MAGEB18: variants seen among roughly 807,000 people sequenced by gnomAD.
MAGEB18 encodes MAGE family member B18.
A neutral mutation model predicts 6.3 loss-of-function variants in MAGEB18; 6 were observed. That is an observed-to-expected ratio of 0.95 (90% CI 0.52 to 1.87). The LOEUF (loss-of-function observed/expected upper bound fraction) is 1.87. Among genes scored for constraint, MAGEB18 ranks in the 40% most tolerant of loss-of-function variants. The pLI, the probability that MAGEB18 is intolerant of heterozygous loss-of-function variation, is 0.01. For synonymous variants in MAGEB18, 93 were observed against 97.0 expected, an observed-to-expected ratio of 0.96 and a Z score of 0.24; for missense variants, 228 against 265.4, an observed-to-expected ratio of 0.86 and a Z score of 0.98.
rs1463968644 is a variant in MAGEB18, at chrX:26,140,185, A to G, written c.*42A>G. On this transcript the variant is annotated 3_prime_UTR_variant, in exon 3 of 3. Coordinates refer to ENST00000325250, the MANE Select transcript of MAGEB18 (RefSeq NM_173699.4). ...CATCTTTTTGTTTCCCCTAGGTTAC[A>G]TTTCAAATGTTCAAGTCTGAAGATT... 6.5e-6 allele frequency: 3 copies of G among 463,364 alleles called. No individual in the cohort carries two copies. The highest frequency in any genetic ancestry group is 1.0e-5 in the Non-Finnish European group (3 of 285,861). 38.2% of individuals were successfully genotyped at this position (463,364 alleles called of 1,213,427 possible). A position where few individuals can be genotyped will look rare whatever the true frequency, so the allele number is the denominator to read the frequency against.
Position 26,139,638 on chromosome X carries a change from C to T in MAGEB18, c.653C>T (p.Ala218Val), listed in dbSNP as rs779296286. The T allele has an allele frequency of 1.4e-5, 17 of 1,207,757 alleles. No individual in the cohort carries two copies. In the South Asian group the frequency reaches 2.3e-4, roughly 16 times the overall value. ...FLNGNRAPEEAVWEIMNMMGV... is the reference protein window; with the variant it reads ...FLNGNRAPEEVVWEIMNMMGV... ...AATGGCAACCGTGCCCCAGAAGAGG[C>T]AGTCTGGGAAATTATGAATATGATG... Residue 218 changes from alanine (A) to valine (V), a missense_variant, in exon 2 of 3, where the codon GCA (alanine) becomes GTA (valine). Coordinates refer to ENST00000325250, the MANE Select transcript of MAGEB18 (RefSeq NM_173699.4).
chrX:26,140,103 A>ATTCCTTGC, intron 2 of MAGEB18, 50 bp downstream of exon 2: 1 of 848,930 alleles, frequency 1.2e-6, no homozygotes. Flanking sequence ...TGGAAGAAAT[A>ATTCCTTGC]AGTGTATATC....
chrX:26,138,969 C>T lies in MAGEB18; in HGVS notation c.-17C>T, dbSNP rs780928725. On this transcript the variant is annotated 5_prime_UTR_variant, in exon 2 of 3. Coordinates refer to ENST00000325250, the MANE Select transcript of MAGEB18 (RefSeq NM_173699.4). Reference sequence around the variant, plus strand: ...AACTGCCTGCACTATTGTCTGTAGTCCCTGACAAGAGTAATTATGCCTCGA... The same window carrying T: ...AACTGCCTGCACTATTGTCTGTAGTTCCTGACAAGAGTAATTATGCCTCGA... 2.6e-6 allele frequency: 3 copies of T among 1,174,848 alleles called. No individual in the cohort carries two copies. The highest frequency in any genetic ancestry group is 3.4e-6 in the Non-Finnish European group (3 of 875,169).
chrX:26,139,131 C>T lies in MAGEB18; in HGVS notation c.146C>T (p.Pro49Leu), dbSNP rs147706446. 6.6e-4 allele frequency: 799 copies of T among 1,208,504 alleles called. 3 individuals carry two copies. In the African/African-American group the frequency reaches 0.012, roughly 18 times the overall value. The change falls in exon 2 of 3, where the codon CCC becomes CTC. Residue 49 changes from proline (P) to leucine (L), a missense_variant. By Grantham distance (98) the Pro-to-Leu change is moderately conservative (BLOSUM62 -3). Coordinates refer to ENST00000325250, the MANE Select transcript of MAGEB18 (RefSeq NM_173699.4). ...GCCTATCTTCTCTTTGGTGACAGACCCCAGAATTTGCCTGCTGCTGAGACA... is the reference window on the plus strand; with the variant it reads ...GCCTATCTTCTCTTTGGTGACAGACTCCAGAATTTGCCTGCTGCTGAGACA... ...SPAYLLFGDR[P>L]QNLPAAETPS...
At chrX:26,138,796 AC>A (rs1297867741) in intron 1 of MAGEB18, 127 bp from the exon 2 acceptor site, 8 of 427,597 alleles carry the variant, frequency 1.9e-5, no homozygotes, top group Non-Finnish European at 2.8e-5. Flanking sequence ...GAACAGTCCC[AC>A]CCCGCTCCTG....
chrX:26,138,750 T>C (rs1002764448), intron 1 of MAGEB18, among the ~76,000 whole-genome samples, 174 bp from the exon 2 acceptor site: 2 of 111,342 alleles, frequency 1.8e-5, no homozygotes, highest in African/African-American at 3.3e-5. Flanking sequence ...GTAAAATTAA[T>C]ATCCTGAGTT....
In MAGEB18 at chrX:26,140,362, T is replaced by C; in HGVS notation, c.*219T>C. 1 of 163,934 alleles carries C rather than the reference T, an allele frequency of 6.1e-6. No individual in the cohort carries two copies. The highest frequency in any genetic ancestry group is 2.7e-4 in the South Asian group (1 of 3,726). 13.5% of individuals were successfully genotyped at this position (163,934 alleles called of 1,213,427 possible). ...TCTTTCTTTTTTTTTTGGTGTTATA[T>C]TTCAAATGTTGTTGCTTATAATAGA... On this transcript the variant is annotated 3_prime_UTR_variant, in exon 3 of 3. Transcript: ENST00000325250.
At chrX:26,138,680 G>A (rs1416963229) in intron 1 of MAGEB18, among the ~76,000 whole-genome samples, 2 of 111,590 alleles carry the variant, frequency 1.8e-5, no homozygotes, top group Admixed American at 1.9e-4. Flanking sequence ...GTCAACAGAC[G>A]GAGGACTCAA....
At position 26,138,426 on chromosome X, in the gene MAGEB18, T is replaced by C. The variant is rs1445177118; in HGVS notation, c.-104T>C. ...ACGGGCGAAACCTTGGTCTGAAACATGCGGCCAGAGAAATAAATCTCAGGA... is the reference window on the plus strand; with the variant it reads ...ACGGGCGAAACCTTGGTCTGAAACACGCGGCCAGAGAAATAAATCTCAGGA... On this transcript the variant is annotated 5_prime_UTR_variant, in exon 1 of 3. An upstream start codon of the reference 5' UTR is lost. Transcript: ENST00000325250. 8.9e-6 allele frequency: 1 copy of C among 111,886 alleles called. No individual in the cohort carries two copies. Among genetic ancestry groups the C allele is most frequent in the Non-Finnish European group, 1.9e-5 (1 of 53,376 alleles). 9.2% of individuals were successfully genotyped at this position (111,886 alleles called of 1,213,427 possible).
chrX:26,138,912 T>C lies in MAGEB18; in HGVS notation c.-62-12T>C. 1.1e-6 allele frequency: 1 copy of C among 879,954 alleles called. No individual in the cohort carries two copies. The highest frequency in any genetic ancestry group is 1.6e-6 in the Non-Finnish European group (1 of 632,172). The allele number at this position is 879,954 out of a possible 1,213,427, so 72.5% of individuals were successfully genotyped here. ...CAAGGCTGTGAACACTATCTCATCC[T>C]CCGTCTTCTAGGGTGCCCTCTTCAT... On this transcript the variant is annotated splice_polypyrimidine_tract_variant and intron_variant, in intron 1 of 2. Transcript: ENST00000325250.
At position 26,139,273 on chromosome X, in the gene MAGEB18, A is replaced by C. The variant is rs765483493; in HGVS notation, c.288A>C (p.Ser96=). 1.7e-6 allele frequency: 2 copies of C among 1,209,774 alleles called. No individual in the cohort carries two copies. Among genetic ancestry groups the C allele is most frequent in the African/African-American group, 3.5e-5 (2 of 57,171 alleles). Residue 96 remains serine (S), a synonymous_variant, in exon 2 of 3, where the codon TCA becomes TCC. Transcript: ENST00000325250. Reference sequence around the variant, plus strand: ...AAGATGAGAAAAGTCTAGGTTCCTCAAGGGAAGCTGAGGGCTGGAAAGAAG... The same window carrying C: ...AAGATGAGAAAAGTCTAGGTTCCTCCAGGGAAGCTGAGGGCTGGAAAGAAG... ...SSQDEKSLGS[S]REAEGWKEDP...
At chrX:26,138,755 T>C (rs1277189778) in intron 1 of MAGEB18, among the ~76,000 whole-genome samples, 169 bp from the exon 2 acceptor site, 2 of 111,378 alleles carry the variant, frequency 1.8e-5, no homozygotes, top group African/African-American at 6.5e-5. Flanking sequence ...ATTAATATCC[T>C]GAGTTAGAAC....
chrX:26,139,878 C>T lies in MAGEB18; in HGVS notation c.893C>T (p.Ala298Val). Residue 298 changes from alanine (A) to valine (V), a missense_variant, in exon 2 of 3, where the codon GCC becomes GTC. Physicochemically the swap from Ala to Val is moderately conservative, Grantham distance 64. Coordinates refer to ENST00000325250, the MANE Select transcript of MAGEB18 (RefSeq NM_173699.4). ...VAKIHDTVPSAFPSCYEEALR... is the reference protein window; with the variant it reads ...VAKIHDTVPSVFPSCYEEALR... The stretch of plus-strand genomic sequence containing the variant: ...AAGATACATGATACCGTCCCTAGTG[C>T]CTTCCCATCCTGCTATGAAGAGGCT... The T allele has an allele frequency of 8.3e-7, 1 of 1,209,840 alleles. No individual in the cohort carries two copies. Among genetic ancestry groups the T allele is most frequent in the Non-Finnish European group, 1.1e-6 (1 of 894,452 alleles).
chrX:26,140,124 T>C (rs1602225213), intron 2 of MAGEB18, 56 bp from the exon 3 acceptor site: 1 of 687,059 alleles, frequency 1.5e-6, no homozygotes, highest in Middle Eastern at 4.7e-4. Context: ...ATCTTTGCAT[T>C]CCTATTGTAT....
chrX:26,139,834 A>G lies in MAGEB18; in HGVS notation c.849A>G (p.Lys283=). Residue 283 remains lysine (K), a synonymous_variant, in exon 2 of 3, where the codon AAA becomes AAG. Coordinates refer to ENST00000325250, the MANE Select transcript of MAGEB18 (RefSeq NM_173699.4). ...CTCACGCTGAAACTAGCAAGATGAA[A>G]GTCCTGGAGTTTGTAGCCAAGATAC... is the stretch of plus-strand genomic sequence containing the variant. The part of the protein sequence containing the change: ...PRAHAETSKM[K]VLEFVAKIHD... 8.3e-7 allele frequency: 1 copy of G among 1,211,351 alleles called. No individual in the cohort carries two copies.
Position 26,140,705 on chromosome X carries a change from G to C in MAGEB18, c.*562G>C, listed in dbSNP as rs1230165753. ...GGATTGGCTTAGCTTACTGAAGAAG[G>C]TAGGAAGAAATAAAATGTTTATGAA... On this transcript the variant is annotated 3_prime_UTR_variant, in exon 3 of 3. Transcript: ENST00000325250. 1.8e-5 allele frequency: 2 copies of C among 112,253 alleles called. No homozygotes were observed. The highest frequency in any genetic ancestry group is 3.8e-5 in the Non-Finnish European group (2 of 53,268). The allele number at this position is 112,253 out of a possible 1,213,427, so 9.3% of individuals were successfully genotyped here. A position where few individuals can be genotyped will look rare whatever the true frequency, so the allele number is the denominator to read the frequency against.
At chrX:26,138,493 A>G (rs41305165) in intron 1 of MAGEB18, 26 bp downstream of exon 1, 12,750 of 112,386 alleles carry the variant, frequency 0.11, 568 homozygotes, top group South Asian at 0.2. Flanking sequence ...TATGACCTTC[A>G]AGACACACTC....
chrX:26,138,345 A>G lies in MAGEB18; in HGVS notation c.-185A>G, dbSNP rs1297939053. 3 of 112,002 alleles carry G rather than the reference A, an allele frequency of 2.7e-5. No individual in the cohort carries two copies. The highest frequency in any genetic ancestry group is 9.7e-5 in the African/African-American group (3 of 30,803). 9.2% of individuals were successfully genotyped at this position (112,002 alleles called of 1,213,427 possible). Reference sequence around the variant, plus strand: ...ATTTGCCGTTAAGCTGGGAGAGCAAAGTGGGCGTGGCCGGACATGTTTCTC... The same window carrying G: ...ATTTGCCGTTAAGCTGGGAGAGCAAGGTGGGCGTGGCCGGACATGTTTCTC... On this transcript the variant is annotated 5_prime_UTR_variant, in exon 1 of 3. Coordinates refer to ENST00000325250, the MANE Select transcript of MAGEB18 (RefSeq NM_173699.4).
intron 1 of MAGEB18, among the ~76,000 whole-genome samples, 172 bp downstream of exon 1, chrX:26,138,639 G>A (rs1464065463): frequency 9.0e-6 from 1 of 111,708 alleles, no homozygotes; most frequent in Non-Finnish European, 1.9e-5. Context: ...TGTGGGATGG[G>A]AAGCCATGGT....
Sources: gnomAD v4.1 joint callset for allele counts (sites outside exome capture counted in the v4.1 genomes callset) on GRCh38, gnomAD v4.1.1 for gene constraint, MANE v1.5 for transcripts, NCBI Gene and HGNC (gene_info 2026-07-23, HGNC 2026-07-21) for gene names.